NUP205: variants seen among roughly 807,000 people sequenced by gnomAD.
NUP205 encodes nuclear pore complex protein Nup205.
A neutral mutation model predicts 253.8 loss-of-function variants in NUP205; 76 were observed. That is an observed-to-expected ratio of 0.30 (90% confidence interval 0.25 to 0.36). NUP205 has a LOEUF of 0.36. Ranked by LOEUF, NUP205 falls within the 10% of genes least tolerant of loss-of-function variation. The probability of loss-of-function intolerance (pLI) is 1.00; values close to 1 mark genes in which losing one functional copy is unlikely to be tolerated. For synonymous variants in NUP205, 832 were observed against 850.1 expected (o/e 0.98, Z 0.37); for missense variants, 2,162 against 2,425.5 (o/e 0.89, Z 2.28).
At chr7:135,600,060 A>G (rs1006236513) in intron 15 of NUP205, among the ~76,000 whole-genome samples, 9 of 152,208 alleles carry the variant, frequency 5.9e-5, no homozygotes, top group Admixed American at 5.2e-4. Flanking sequence ...CCTTGATACA[A>G]TTATGTGCAG....
intron 11 of NUP205, 23 bp from the exon 12 acceptor site, chr7:135,592,964 T>C (rs1806668220): frequency 6.7e-7 from 1 of 1,500,622 alleles, no homozygotes; most frequent in African/African-American, 1.4e-5. Flanking sequence ...TTAAATAAAA[T>C]TCTGTGCTGT....
At chr7:135,573,176 A>G (rs889267428) in intron 2 of NUP205, among the ~76,000 whole-genome samples, 4 of 152,164 alleles carry the variant, frequency 2.6e-5, no homozygotes, top group African/African-American at 9.6e-5. Flanking sequence ...TGTATGATCT[A>G]TCAGCTAATT....
intron 7 of NUP205, among the ~76,000 whole-genome samples, chr7:135,584,252 T>C (rs1806396833): frequency 6.6e-6 from 1 of 152,218 alleles, no homozygotes; most frequent in Admixed American, 6.5e-5. Context: ...GTTGGTAGTA[T>C]TGAAACAGGT....
chr7:135,573,198 G>C (rs1023473595), intron 2 of NUP205, among the ~76,000 whole-genome samples: 2 of 151,956 alleles, frequency 1.3e-5, no homozygotes, highest in Admixed American at 1.3e-4. Flanking sequence ...TGTACTGTAC[G>C]TCATATGTTA....
At chr7:135,623,672 GAAAATTATGTAGC>G (rs1794522351) in intron 31 of NUP205, among the ~76,000 whole-genome samples, 1 of 152,170 alleles carries the variant, frequency 6.6e-6, no homozygotes. Context: ...CTTCTTAATG[GAAAATTATGTAGC>G]AAAATTATGT....
Position 135,576,403 on chromosome 7 carries a change from C to T in NUP205, c.477C>T (p.Thr159=). The change falls in exon 4 of 43, where the codon ACC becomes ACT. Residue 159 remains threonine, a synonymous_variant. Coordinates refer to ENST00000285968, the MANE Select transcript of NUP205 (RefSeq NM_015135.3). ...LIQSRRGKTW[T]LELSPELASM... is the part of the protein sequence containing the mutation. ...AGTCTAGACGGGGAAAGACATGGACCCTAGAACTCAGGTCTTTTTACTTCT... is the reference window on the plus strand; with the variant it reads ...AGTCTAGACGGGGAAAGACATGGACTCTAGAACTCAGGTCTTTTTACTTCT... 26 of 1,608,892 alleles carry T rather than the reference C, an allele frequency of 1.6e-5. No homozygotes were observed. Among genetic ancestry groups the T allele is most frequent in the Non-Finnish European group, 2.1e-5 (25 of 1,178,562 alleles).
At chr7:135,634,761 A>G (rs1794777691) in intron 35 of NUP205, among the ~76,000 whole-genome samples, 1 of 152,142 alleles carries the variant, frequency 6.6e-6, no homozygotes. Flanking sequence ...AGGTATAACG[A>G]GCCCACATGT....
chr7:135,643,423 C>A, intron 39 of NUP205, 65 bp downstream of exon 39: 2 of 1,020,870 alleles, frequency 2.0e-6, no homozygotes, highest in Non-Finnish European at 1.4e-6. Flanking sequence ...CCAGGGTACT[C>A]AGACTGAGTA....
At position 135,577,973 on chromosome 7, in the gene NUP205, C is replaced by G; in HGVS notation, c.826C>G (p.Leu276Val). The G allele has an allele frequency of 1.9e-6, 3 of 1,613,926 alleles. No individual in the cohort carries two copies. Among genetic ancestry groups the G allele is most frequent in the Non-Finnish European group, 2.5e-6 (3 of 1,179,962 alleles). ...AVNLALLMAL[L>V]YCFDISFIEQ... Reference sequence around the variant, plus strand: ...GAATCTGGCTCTTCTTATGGCGCTTCTATACTGTTTTGATATCAGTTTTAT... The same window carrying G: ...GAATCTGGCTCTTCTTATGGCGCTTGTATACTGTTTTGATATCAGTTTTAT... The change falls in exon 6 of 43, where the codon CTA (leucine) becomes GTA (valine). Residue 276 changes from leucine (L) to valine (V), a missense_variant. Physicochemically the swap from Leu to Val is conservative, Grantham distance 32. This residue lies in a region of NUP205 where 892 missense variants were observed against 957.1 expected (regional missense o/e 0.93). Transcript: ENST00000285968.
chr7:135,595,072 C>T (rs568201964), intron 13 of NUP205, among the ~76,000 whole-genome samples: 1 of 152,174 alleles, frequency 6.6e-6, no homozygotes, highest in African/African-American at 2.4e-5. Flanking sequence ...ATCACCTGCA[C>T]TCATTAAATG....
At chr7:135,621,815 T>C (rs1794475123) in intron 30 of NUP205, among the ~76,000 whole-genome samples, 2 of 152,258 alleles carry the variant, frequency 1.3e-5, no homozygotes, top group Admixed American at 6.5e-5. Flanking sequence ...TTTTCTTTTG[T>C]TTTTTGAGAC....
chr7:135,648,320 A>G, intron 42 of NUP205, 84 bp from the exon 43 acceptor site: 1 of 1,211,216 alleles, frequency 8.3e-7, no homozygotes, highest in Non-Finnish European at 1.1e-6. Context: ...CAAAAATTCT[A>G]AAGTGTTTTA....
intron 42 of NUP205, 45 bp from the exon 43 acceptor site, chr7:135,648,359 T>C: frequency 1.4e-6 from 2 of 1,470,670 alleles, no homozygotes; most frequent in Middle Eastern, 1.8e-4. Flanking sequence ...AAAAGAAATA[T>C]TTGAGACAAC....
intron 15 of NUP205, among the ~76,000 whole-genome samples, chr7:135,599,424 C>T (rs1044152740): frequency 6.6e-6 from 1 of 152,022 alleles, no homozygotes; most frequent in African/African-American, 2.4e-5. Flanking sequence ...GTGGGGTATA[C>T]ACTTTACTTA....
At chr7:135,591,735 AAGG>A in intron 11 of NUP205, 135 bp downstream of exon 11, 1 of 726,688 alleles carries the variant, frequency 1.4e-6, no homozygotes, top group East Asian at 2.7e-5. Context: ...CAATAGGGTG[AAGG>A]AAGCATGCAT....
chr7:135,627,336 A>G (rs935477781), intron 33 of NUP205, among the ~76,000 whole-genome samples: 3 of 152,190 alleles, frequency 2.0e-5, no homozygotes, highest in Admixed American at 6.6e-5. Context: ...TTTTATACAG[A>G]TTGAGCTTCT....
chr7:135,600,742 TAAGTG>T (rs1449695558), intron 15 of NUP205, 123 bp from the exon 16 acceptor site: 2 of 500,574 alleles, frequency 4.0e-6, no homozygotes, highest in African/African-American at 3.9e-5. Flanking sequence ...TTGCTTAGCG[TAAGTG>T]AATAAAGTGG....
intron 13 of NUP205, 61 bp downstream of exon 13, chr7:135,594,790 C>A: frequency 1.5e-6 from 2 of 1,296,660 alleles, no homozygotes; most frequent in Non-Finnish European, 2.1e-6. Flanking sequence ...CTTGATAATA[C>A]CATAGAAGCA....
Position 135,594,735 on chromosome 7 carries a change from G to T in NUP205, c.2013+6G>T. On this transcript the variant is annotated splice_donor_region_variant and intron_variant, in intron 13 of 42. Transcript: ENST00000285968. ...AGTCATTGGAATACACTCAGGTAGG[G>T]CTCTGAAGTCCCTTATTTATATTAT... 5 of 1,602,482 alleles carry T rather than the reference G, an allele frequency of 3.1e-6. No individual in the cohort carries two copies. Among genetic ancestry groups the T allele is most frequent in the Non-Finnish European group, 4.3e-6 (5 of 1,174,686 alleles).
Sources: gnomAD v4.1 joint callset for allele counts (sites outside exome capture counted in the v4.1 genomes callset) on GRCh38, gnomAD v4.1.1 for gene constraint, gnomAD v4.1.1 regional missense constraint, MANE v1.5 for transcripts, NCBI Gene and HGNC (gene_info 2026-07-23, HGNC 2026-07-21) for gene names.